The following MYPN variants were observed in gnomAD, a reference collection of about 807,000 sequenced individuals.
MYPN encodes sarcomeric protein myopalladin, 145 kDa (MYOP).
A neutral mutation model predicts 129.4 loss-of-function variants in MYPN; 63 were observed. The ratio of observed to expected loss-of-function variants is 0.49; its 90% CI spans 0.40 to 0.60. The LOEUF is 0.60. MYPN is among the 20% of genes least tolerant of loss of function. The probability of loss-of-function intolerance (pLI) is 0.00; values close to 1 mark genes in which losing one functional copy is unlikely to be tolerated. For missense variants in MYPN, 1,596 were observed against 1,635.4 expected (o/e 0.98, Z 0.42); for synonymous variants, 629 against 600.9 (o/e 1.05, Z -0.68).
rs568925957 is a variant in MYPN at position 68,139,918 on chromosome 10, C to T, written c.903-3022C>T. ...GCACTTTGCAGTCTAGTGAAGGGAG[C>T]AAACCACAATAAAATAAACAAGTAT... is the stretch of plus-strand genomic sequence containing the variant. On this transcript the variant is annotated intron_variant, in intron 2 of 19. Coordinates refer to ENST00000358913, the MANE Select transcript of MYPN (RefSeq NM_032578.4). Among the ~76,000 whole-genome samples, 14 of 152,216 alleles carry T rather than the reference C, an allele frequency of 9.2e-5. No individual in the cohort carries two copies. The South Asian group carries it at 2.9e-3, about 32-fold the overall frequency.
intron 3 of MYPN, among the ~76,000 whole-genome samples, chr10:68,145,110 C>T (rs1325202958): frequency 5.9e-5 from 9 of 151,758 alleles, no homozygotes; most frequent in African/African-American, 1.7e-4. Flanking sequence ...CAGCAACCTC[C>T]GCCTCCCGGG....
chr10:68,149,535 G>A (rs920238830), intron 5 of MYPN, among the ~76,000 whole-genome samples: 2 of 152,036 alleles, frequency 1.3e-5, no homozygotes, highest in African/African-American at 4.8e-5. Context: ...CTGGCCTCAA[G>A]CCATCCTCCC....
At chr10:68,177,540 T>G (rs569512588) in intron 12 of MYPN, among the ~76,000 whole-genome samples, 2 of 152,330 alleles carry the variant, frequency 1.3e-5, no homozygotes, top group East Asian at 3.9e-4. Flanking sequence ...GATGATCATA[T>G]TATAATATTG....
chr10:68,098,309 A>G (rs570075676), intron 1 of MYPN, among the ~76,000 whole-genome samples: 7 of 152,150 alleles, frequency 4.6e-5, no homozygotes, highest in Non-Finnish European at 8.8e-5. Context: ...TATTTAAGTT[A>G]AACATTACCT....
chr10:68,195,617 A>C, intron 15 of MYPN, 85 bp downstream of exon 15: 2 of 1,104,264 alleles, frequency 1.8e-6, no homozygotes, highest in Non-Finnish European at 2.8e-6. Context: ...GGATCCACAA[A>C]TTCTTAATTA....
intron 1 of MYPN, among the ~76,000 whole-genome samples, chr10:68,090,852 A>G (rs1159382226): frequency 6.6e-6 from 1 of 152,178 alleles, no homozygotes; most frequent in Non-Finnish European, 1.5e-5. Flanking sequence ...CTTGGAGCTT[A>G]TAATTACATT....
At chr10:68,154,530 T>A (rs1224666557) in intron 6 of MYPN, among the ~76,000 whole-genome samples, 1 of 152,236 alleles carries the variant, frequency 6.6e-6, no homozygotes, top group Non-Finnish European at 1.5e-5. Flanking sequence ...CTTTTCTTAC[T>A]CAATGATTGC....
chr10:68,159,606 T>C (rs1174015735), intron 7 of MYPN, among the ~76,000 whole-genome samples: 2 of 152,216 alleles, frequency 1.3e-5, no homozygotes, highest in African/African-American at 4.8e-5. Context: ...CATGCAGTGC[T>C]TTCTCCTTGA....
At chr10:68,102,398 G>A (rs2041986165), upstream of MYPN, among the ~76,000 whole-genome samples, 1 of 152,074 alleles carries the variant, frequency 6.6e-6, no homozygotes, top group South Asian at 2.1e-4. Context: ...AAAGTGCTGG[G>A]ATTATGGCTG....
chr10:68,117,974 G>C (rs1169559121), intron 1 of MYPN, among the ~76,000 whole-genome samples: 1 of 151,988 alleles, frequency 6.6e-6, no homozygotes, highest in Non-Finnish European at 1.5e-5. Context: ...ATTAGGAAGT[G>C]TCAGAACTAG....
chr10:68,197,256 C>A, intron 15 of MYPN, 96 bp from the exon 16 acceptor site: 6 of 1,255,858 alleles, frequency 4.8e-6, no homozygotes, highest in Admixed American at 2.2e-5. Context: ...AAAAAAAAAT[C>A]TGTTCTCTAG....
chr10:68,175,180 C>A, intron 11 of MYPN, 143 bp from the exon 12 acceptor site: 1 of 903,394 alleles, frequency 1.1e-6, no homozygotes, highest in African/African-American at 1.7e-5. Context: ...TTTACAAATA[C>A]CGATTCTCTG....
At chr10:68,145,717 T>A (rs748547543) in intron 4 of MYPN, among the ~76,000 whole-genome samples, 191 bp downstream of exon 4, 4 of 152,232 alleles carry the variant, frequency 2.6e-5, no homozygotes, top group Non-Finnish European at 4.4e-5. Flanking sequence ...TGCTTAAGTC[T>A]TGCCTAGCAG....
chr10:68,129,247 G>C (rs1426829872), intron 2 of MYPN, among the ~76,000 whole-genome samples: 2 of 152,090 alleles, frequency 1.3e-5, no homozygotes, highest in Non-Finnish European at 2.9e-5. Flanking sequence ...GTGTGCAAAG[G>C]GGTACATTGT....
At chr10:68,186,645 A>G (rs2043426043) in intron 12 of MYPN, among the ~76,000 whole-genome samples, 1 of 152,140 alleles carries the variant, frequency 6.6e-6, no homozygotes, top group South Asian at 2.1e-4. Context: ...GATTGCTTCT[A>G]TTTGATTCAT....
At chr10:68,185,700 T>C (rs1170424044) in intron 12 of MYPN, among the ~76,000 whole-genome samples, 1 of 152,208 alleles carries the variant, frequency 6.6e-6, no homozygotes, top group African/African-American at 2.4e-5. Context: ...CTATCTCACA[T>C]GGTAAGGGAA....
At chr10:68,188,882 A>G in intron 12 of MYPN, 23 bp from the exon 13 acceptor site, 1 of 1,602,950 alleles carries the variant, frequency 6.2e-7, no homozygotes, top group Non-Finnish European at 8.5e-7. Flanking sequence ...ATGGAAATTG[A>G]AACACGTTTG....
chr10:68,156,042 T>G (rs1183028535), intron 6 of MYPN, among the ~76,000 whole-genome samples: 2 of 152,232 alleles, frequency 1.3e-5, no homozygotes, highest in African/African-American at 2.4e-5. Flanking sequence ...GCAGGGCTTT[T>G]GTGTAATCTC....
intron 5 of MYPN, 100 bp from the exon 6 acceptor site, chr10:68,149,940 G>T (rs1396702382): frequency 6.4e-6 from 7 of 1,086,714 alleles, no homozygotes; most frequent in African/African-American, 6.2e-5. Context: ...TTTTGGTTTG[G>T]GATGCATTTC....
Sources: gnomAD v4.1 joint callset for allele counts (sites outside exome capture counted in the v4.1 genomes callset) on GRCh38, gnomAD v4.1.1 for gene constraint, MANE v1.5 for transcripts, NCBI Gene and HGNC (gene_info 2026-07-23, HGNC 2026-07-21) for gene names.